Variants in KMT2A observed in about 807,000 individuals in gnomAD.
The protein encoded by KMT2A is histone-lysine N-methyltransferase 2A.
In KMT2A, 16 loss-of-function variants were observed where a neutral mutation model predicts 345.3. The ratio of observed to expected loss-of-function variants is 0.05; its 90% CI spans 0.03 to 0.07. KMT2A has a LOEUF of 0.07. Among genes scored for constraint, KMT2A ranks in the 10% least tolerant of loss-of-function variants. The pLI is 1.00. For missense variants in KMT2A, 3,272 were observed against 4,841.6 expected (o/e 0.68, Z 9.62); for synonymous variants, 1,599 against 1,778.6 (o/e 0.90, Z 2.54).
In KMT2A at chr11:118,496,028, C is replaced by A; in HGVS notation, c.5557+135C>A. ...TTCAGGTCATCCTTAAATGTAATAC[C>A]ATCATTAATTTTGCTTCACTTGAGG... On this transcript the variant is annotated intron_variant, in intron 19 of 35. Transcript: ENST00000534358. This position sits in a 1 kb window ranked among gnomAD's most constrained non-coding sequence, Gnocchi z 4.7. 1.2e-6 allele frequency: 1 copy of A among 844,156 alleles called. No homozygotes were observed. The highest frequency in any genetic ancestry group is 2.5e-5 in the East Asian group (1 of 40,458). 52.3% of individuals were successfully genotyped at this position (844,156 alleles called of 1,614,324 possible). A position where few individuals can be genotyped will look rare whatever the true frequency, so the allele number is the denominator to read the frequency against.
chr11:118,483,516 C>T (rs1158401960), intron 8 of KMT2A, among the ~76,000 whole-genome samples: 1 of 152,198 alleles, frequency 6.6e-6, no homozygotes, highest in Non-Finnish European at 1.5e-5. Context: ...TTGGGTGACA[C>T]CGAGACTCCG....
Position 118,498,233 on chromosome 11 carries a change from T to G in KMT2A, c.5803-137T>G. 1 of 1,178,892 alleles carries G rather than the reference T, an allele frequency of 8.5e-7. No homozygotes were observed. The highest frequency in any genetic ancestry group is 1.2e-6 in the Non-Finnish European group (1 of 831,710). 73.0% of individuals were successfully genotyped at this position (1,178,892 alleles called of 1,614,324 possible). On this transcript the variant is annotated intron_variant, in intron 21 of 35. Transcript: ENST00000534358. This position sits in a 1 kb window ranked among gnomAD's most constrained non-coding sequence, Gnocchi z 4.4. Reference sequence around the variant, plus strand: ...ATAATTCAACAGATAAAATGATAAATTTTATCTGTTTTCAATTTATCAATA... The same window carrying G: ...ATAATTCAACAGATAAAATGATAAAGTTTATCTGTTTTCAATTTATCAATA...
At position 118,496,328 on chromosome 11, in the gene KMT2A, G is replaced by T; in HGVS notation, c.5625G>T (p.Gln1875His). ...NPPPGIEDNR[Q>H]CALCLTYGDD... is the part of the protein sequence containing the mutation. Reference sequence around the variant, plus strand: ...CCCCAGGCATAGAAGACAATAGACAGTGTGCGTTATGTTTGACTTATGGTG... The same window carrying T: ...CCCCAGGCATAGAAGACAATAGACATTGTGCGTTATGTTTGACTTATGGTG... The change falls in exon 20 of 36, where the codon CAG becomes CAT. Residue 1875 changes from glutamine to histidine, a missense_variant. By Grantham distance (24) the Gln-to-His change is conservative (BLOSUM62 0). Around this residue, in one of 27 missense-constraint regions of KMT2A, gnomAD observed 235 missense variants for 503.4 expected, o/e 0.47. Transcript: ENST00000534358. This position sits in a 1 kb window ranked among gnomAD's most constrained non-coding sequence, Gnocchi z 4.7. 6.2e-7 allele frequency: 1 copy of T among 1,613,804 alleles called. No individual in the cohort carries two copies. Among genetic ancestry groups the T allele is most frequent in the South Asian group, 1.1e-5 (1 of 91,080 alleles).
In KMT2A at chr11:118,506,465, G is replaced by A; in HGVS notation, c.10573G>A (p.Gly3525Arg). 1 of 1,614,162 alleles carries A rather than the reference G, an allele frequency of 6.2e-7. No homozygotes were observed. The highest frequency in any genetic ancestry group is 8.5e-7 in the Non-Finnish European group (1 of 1,180,024). ...GGGTTCTCCATCCTCTCCATCTTCT[G>A]GACAGCGGTCAGCAAGCCCTTCAGT... is the stretch of plus-strand genomic sequence containing the variant. Reference protein sequence around the residue: ...PGGSPSSPSSGQRSASPSVPG... With the variant: ...PGGSPSSPSSRQRSASPSVPG... Residue 3525 changes from glycine (G) to arginine (R), a missense_variant, in exon 27 of 36, where the codon GGA becomes AGA. Physicochemically the swap from Gly to Arg is moderately radical, Grantham distance 125 (BLOSUM62 -2). This residue lies in a region of KMT2A where 748 missense variants were observed against 922.2 expected (regional missense o/e 0.81). Transcript: ENST00000534358.
At chr11:118,499,106 T>C (rs1178575940) in intron 22 of KMT2A, among the ~76,000 whole-genome samples, 197 bp from the exon 23 acceptor site, 1 of 152,234 alleles carries the variant, frequency 6.6e-6, no homozygotes, top group African/African-American at 2.4e-5. Flanking sequence ...TACAGCAAGA[T>C]GATAAACTGT....
In KMT2A at chr11:118,476,157, G is replaced by A. The variant is rs1020476268; in HGVS notation, c.3157-648G>A. Reference sequence around the variant, plus strand: ...CGACCTCAGGTGATCTACCCGCCTCGGCCTCCCAAAGTGCTGGGAGTTGCA... The same window carrying A: ...CGACCTCAGGTGATCTACCCGCCTCAGCCTCCCAAAGTGCTGGGAGTTGCA... On this transcript the variant is annotated intron_variant, in intron 3 of 35. Transcript: ENST00000534358. This position sits in a 1 kb window ranked among gnomAD's most constrained non-coding sequence, Gnocchi z 4.1. Among the ~76,000 whole-genome samples, 3 of 152,012 alleles carry A rather than the reference G, an allele frequency of 2.0e-5. No individual in the cohort carries two copies. Among genetic ancestry groups the A allele is most frequent in the African/African-American group, 7.2e-5 (3 of 41,384 alleles).
intron 1 of KMT2A, among the ~76,000 whole-genome samples, chr11:118,440,449 A>C (rs1171811035): frequency 2.0e-5 from 3 of 152,212 alleles, no homozygotes; most frequent in Non-Finnish European, 2.9e-5. Context: ...CTAAATAAAC[A>C]TAGTACAGCA....
At chr11:118,508,346 C>T (rs1555049195) in intron 28 of KMT2A, among the ~76,000 whole-genome samples, 1 of 152,090 alleles carries the variant, frequency 6.6e-6, no homozygotes, top group South Asian at 2.1e-4. Context: ...CTTTTTAAAT[C>T]GCTGCCGCCA....
At chr11:118,492,548 G>T (rs577138679) in intron 15 of KMT2A, among the ~76,000 whole-genome samples, 1 of 152,140 alleles carries the variant, frequency 6.6e-6, no homozygotes, top group African/African-American at 2.4e-5. Context: ...GCATGGTAGC[G>T]GTCACCTGTA....
At chr11:118,441,946 A>C (rs573746510) in intron 1 of KMT2A, among the ~76,000 whole-genome samples, 92 of 152,194 alleles carry the variant, frequency 6.0e-4, no homozygotes, top group African/African-American at 2.1e-3. Flanking sequence ...ACTCTATACC[A>C]ATTGCCTCCC....
rs781973852 is a variant in KMT2A at position 118,436,590 on chromosome 11, C to A, written c.78C>A (p.Gly26=). The A allele has an allele frequency of 2.6e-6, 3 of 1,173,236 alleles. No individual in the cohort carries two copies. Among genetic ancestry groups the A allele is most frequent in the African/African-American group, 1.6e-5 (1 of 62,072 alleles). The allele number at this position is 1,173,236 out of a possible 1,614,324, so 72.7% of individuals were successfully genotyped here. The change falls in exon 1 of 36, where the codon GGC becomes GGA. Residue 26 remains glycine, a synonymous_variant. Transcript: ENST00000534358. The surrounding 1 kb of genome is among the most constrained non-coding windows in gnomAD (Gnocchi z 6.9). ...TGGGGGGGRR[G]LGGAPRQRVP... ...GCGGCGGCGGCGGGGGGCGCCGGGGCCTAGGGGGCGCCCCGCGGCAACGCG... is the reference window on the plus strand; with the variant it reads ...GCGGCGGCGGCGGGGGGCGCCGGGGACTAGGGGGCGCCCCGCGGCAACGCG...
In KMT2A at chr11:118,501,819, C is replaced by T. The variant is rs782424796; in HGVS notation, c.6467C>T (p.Thr2156Ile). Residue 2156 changes from threonine to isoleucine, a missense_variant, in exon 26 of 36, where the codon ACA (threonine) becomes ATA (isoleucine). By Grantham distance (89) the Thr-to-Ile change is moderately conservative. Around this residue, in one of 27 missense-constraint regions of KMT2A, gnomAD observed 66 missense variants for 73.9 expected, o/e 0.89. Transcript: ENST00000534358. ...PRIRTPSYSP[T>I]QRSPGCRPLP... ...ATTCGAACACCCAGTTATTCTCCAA[C>T]ACAGAGATCCCCTGGCTGTCGACCG... 1 of 1,613,986 alleles carries T rather than the reference C, an allele frequency of 6.2e-7. No homozygotes were observed. Among genetic ancestry groups the T allele is most frequent in the Admixed American group, 1.7e-5 (1 of 59,998 alleles).
At position 118,524,501 on chromosome 11, in the gene KMT2A, TG is replaced by T. The variant is rs1213896972; in HGVS notation, c.*2331del. On this transcript the variant is annotated 3_prime_UTR_variant, in exon 36 of 36. Transcript: ENST00000534358. ...CTGTCATGCAGGGAGCCCAGCACTG[TG>T]GCCAGGATGGCAGAGACTTCCTTGT... is the stretch of plus-strand genomic sequence containing the variant. 2.7e-5 allele frequency: 5 copies of T among 184,360 alleles called. No individual in the cohort carries two copies. Among genetic ancestry groups the T allele is most frequent in the African/African-American group, 1.2e-4 (5 of 42,502 alleles). The allele number at this position is 184,360 out of a possible 1,614,324, so 11.4% of individuals were successfully genotyped here.
chr11:118,471,139 A>G (rs991778761), intron 2 of KMT2A, among the ~76,000 whole-genome samples: 4 of 152,180 alleles, frequency 2.6e-5, no homozygotes, highest in African/African-American at 9.7e-5. Flanking sequence ...ACTTTGGCAA[A>G]ACAGATTGAA....
chr11:118,509,699 C>A (rs768694882), intron 29 of KMT2A, among the ~76,000 whole-genome samples: 2 of 151,858 alleles, frequency 1.3e-5, no homozygotes, highest in Admixed American at 6.6e-5. Context: ...ACTATCAGAT[C>A]GTCATACTAG....
chr11:118,486,975 T>G (rs1158253834), intron 10 of KMT2A, among the ~76,000 whole-genome samples: 2 of 152,222 alleles, frequency 1.3e-5, no homozygotes, highest in African/African-American at 4.8e-5. Flanking sequence ...ACAAACTAGC[T>G]AAGAAAGTCA....
chr11:118,493,271 T>A lies in KMT2A; in HGVS notation c.5178+41T>A. ...GAGCCATCAGAATTTCTAGTGCCAA[T>A]AAAGCTTCTTTGGACCTTTGGGGCA... On this transcript the variant is annotated intron_variant, in intron 16 of 35. Transcript: ENST00000534358. This position sits in a 1 kb window ranked among gnomAD's most constrained non-coding sequence, Gnocchi z 5.8. 1.3e-6 allele frequency: 2 copies of A among 1,558,976 alleles called. No individual in the cohort carries two copies. Among genetic ancestry groups the A allele is most frequent in the Non-Finnish European group, 8.8e-7 (1 of 1,135,062 alleles).
rs1377687394 is a variant in KMT2A at position 118,496,973 on chromosome 11, TG to T, written c.5664+607del. 4.6e-5 allele frequency among the ~76,000 whole-genome samples: 7 copies of T among 152,112 alleles called. No individual in the cohort carries two copies. Among genetic ancestry groups the T allele is most frequent in the Non-Finnish European group, 7.4e-5 (5 of 68,024 alleles). The stretch of plus-strand genomic sequence containing the variant: ...TTTTTTAAAAGTTTTTTGTGTTTTT[TG>T]TTTTGTTTTGTTTTGTTTTTTTGAG... On this transcript the variant is annotated intron_variant, in intron 20 of 35. Coordinates refer to ENST00000534358, the MANE Select transcript of KMT2A (RefSeq NM_001197104.2). This position sits in a 1 kb window ranked among gnomAD's most constrained non-coding sequence, Gnocchi z 4.7.
At chr11:118,489,223 C>T (rs1950284346) in intron 11 of KMT2A, among the ~76,000 whole-genome samples, 1 of 103,608 alleles carries the variant, frequency 9.7e-6, no homozygotes, top group Non-Finnish European at 1.9e-5. Flanking sequence ...CACAGTGAGA[C>T]TCCATCTCAA....
Sources: allele counts gnomAD v4.1 joint callset (sites outside exome capture counted in the v4.1 genomes callset), GRCh38; gene constraint gnomAD v4.1.1; regional missense constraint gnomAD v4.1.1; non-coding constraint Gnocchi (gnomAD v3.1); transcripts MANE v1.5; gene names NCBI Gene and HGNC (gene_info 2026-07-23, HGNC 2026-07-21).